HYCC1: variants seen among roughly 807,000 people sequenced by gnomAD.
The protein encoded by HYCC1 is hyccin.
the HYCC1 span, among the ~76,000 whole-genome samples, chr7:22,896,330 A>G: frequency 3.2e-4 from 48 of 152,338 alleles, no homozygotes; most frequent in Admixed American, 2.4e-3. Context: ...GGCAGACTGC[A>G]ATTCTGGCTA....
the HYCC1 span, chr7:22,943,592 A>C: frequency 6.6e-6 from 1 of 152,492 alleles, no homozygotes; most frequent in African/African-American, 2.4e-5. Context: ...CCCCAAACTT[A>C]TTCTACAATG....
the HYCC1 span, among the ~76,000 whole-genome samples, chr7:22,926,501 A>T: frequency 6.6e-6 from 1 of 152,214 alleles, no homozygotes; most frequent in Non-Finnish European, 1.5e-5. Flanking sequence ...TACCAAGCAA[A>T]TGGAAAACAA....
chr7:22,928,692 C>T, the HYCC1 span, among the ~76,000 whole-genome samples: 1 of 152,144 alleles, frequency 6.6e-6, no homozygotes, highest in Non-Finnish European at 1.5e-5. Flanking sequence ...AAAGAGGATA[C>T]AAACAAATGG....
At chr7:22,910,555 T>C in the HYCC1 span, among the ~76,000 whole-genome samples, 1 of 152,212 alleles carries the variant, frequency 6.6e-6, no homozygotes, top group Admixed American at 6.5e-5. Context: ...TTTCTTAGCA[T>C]AAAGAAACCA....
the HYCC1 span, among the ~76,000 whole-genome samples, chr7:22,996,597 TAAAAAAAAAAAAAAA>T: frequency 9.4e-6 from 1 of 106,554 alleles, no homozygotes; most frequent in Non-Finnish European, 1.8e-5. Flanking sequence ...GTACAATTGT[TAAAAAAAAAAAAAAA>T]AAAAAAAAAA....
At chr7:22,975,686 C>A in the HYCC1 span, among the ~76,000 whole-genome samples, 1 of 152,070 alleles carries the variant, frequency 6.6e-6, no homozygotes, top group Non-Finnish European at 1.5e-5. Flanking sequence ...GCTTTACATT[C>A]TTCATGATGT....
the HYCC1 span, among the ~76,000 whole-genome samples, chr7:22,923,451 G>A: frequency 6.6e-6 from 1 of 151,926 alleles, no homozygotes; most frequent in African/African-American, 2.4e-5. Flanking sequence ...TATTAAAAAA[G>A]AAGAAATATC....
chr7:22,909,565 C>T, the HYCC1 span, among the ~76,000 whole-genome samples: 23 of 152,334 alleles, frequency 1.5e-4, no homozygotes, highest in African/African-American at 4.8e-4. Context: ...TAACCATAAG[C>T]GTGACTGCTT....
At chr7:22,905,386 A>ATTTTTTTTTTTTTTTTTTTTTTTTT in the HYCC1 span, among the ~76,000 whole-genome samples, 1 of 44,470 alleles carries the variant, frequency 2.2e-5, no homozygotes, top group African/African-American at 9.1e-5. Flanking sequence ...CTAATTTTGT[A>ATTTTTTTTTTTTTTTTTTTTTTTTT]TTTTTTTTTT....
chr7:22,966,279 ATTGT>A, the HYCC1 span, among the ~76,000 whole-genome samples: 123 of 151,858 alleles, frequency 8.1e-4, no homozygotes, highest in African/African-American at 2.7e-3. Flanking sequence ...GCACTGTTTT[ATTGT>A]TTGTTTGTTT....
At chr7:22,974,565 T>C in the HYCC1 span, among the ~76,000 whole-genome samples, 2 of 152,238 alleles carry the variant, frequency 1.3e-5, no homozygotes, top group African/African-American at 2.4e-5. Flanking sequence ...CTGAAAGACT[T>C]CACGTCTCTA....
At chr7:22,961,222 G>C in the HYCC1 span, 1 of 1,525,668 alleles carries the variant, frequency 6.6e-7, no homozygotes, top group Non-Finnish European at 9.1e-7. Flanking sequence ...ACATAAATAA[G>C]TCAGGCACCT....
chr7:22,896,931 T>C, the HYCC1 span, among the ~76,000 whole-genome samples: 2 of 152,154 alleles, frequency 1.3e-5, no homozygotes, highest in African/African-American at 4.8e-5. Flanking sequence ...TAAGCTCACA[T>C]ACATATGGCA....
At chr7:22,943,051 A>C in the HYCC1 span, 1 of 152,198 alleles carries the variant, frequency 6.6e-6, no homozygotes, top group Non-Finnish European at 1.5e-5. Context: ...TTTGTTGTGC[A>C]GTATATAAAA....
chr7:22,990,873 G>C, the HYCC1 span, among the ~76,000 whole-genome samples: 1 of 151,948 alleles, frequency 6.6e-6, no homozygotes, highest in Non-Finnish European at 1.5e-5. Flanking sequence ...AACCACTTGG[G>C]GGAAAAAAGG....
chr7:22,950,269 C>T, the HYCC1 span, among the ~76,000 whole-genome samples: 1 of 151,924 alleles, frequency 6.6e-6, no homozygotes, highest in Non-Finnish European at 1.5e-5. Context: ...TTTCACATAC[C>T]CTCTTCCTTT....
At chr7:22,918,660 A>G in the HYCC1 span, among the ~76,000 whole-genome samples, 1 of 152,182 alleles carries the variant, frequency 6.6e-6, no homozygotes, top group Middle Eastern at 3.4e-3. Flanking sequence ...AACTGATGAC[A>G]TTACCTTGTG....
At chr7:22,947,250 A>C in the HYCC1 span, 2 of 1,548,528 alleles carry the variant, frequency 1.3e-6, no homozygotes, top group Non-Finnish European at 1.7e-6. Flanking sequence ...AGGTTGCTCT[A>C]GAATTGAAGA....
At chr7:22,984,244 T>C in the HYCC1 span, among the ~76,000 whole-genome samples, 10 of 152,158 alleles carry the variant, frequency 6.6e-5, no homozygotes, top group East Asian at 1.7e-3. Flanking sequence ...TGTACAACAC[T>C]GTGAATATAT....
Sources: allele counts gnomAD v4.1 joint callset (sites outside exome capture counted in the v4.1 genomes callset), GRCh38; gene constraint gnomAD v4.1.1; transcripts MANE v1.5; gene names NCBI Gene and HGNC (gene_info 2026-07-23, HGNC 2026-07-21).